Variants in YEATS4 observed in about 807,000 individuals in gnomAD.
YEATS4 encodes YEATS domain containing 4, also known as YEATS domain-containing protein 4.
Under a neutral mutation model 30.1 loss-of-function variants are expected in YEATS4, and 17 were observed. The ratio of observed to expected loss-of-function variants is 0.56; its 90% CI spans 0.39 to 0.85. The LOEUF (loss-of-function observed/expected upper bound fraction) is 0.85, where lower values mean the gene tolerates loss of function less well. YEATS4 is among the 40% of genes least tolerant of loss of function. The pLI is 0.00. For synonymous variants in YEATS4, 85 were observed against 87.5 expected (o/e 0.97, Z 0.16); for missense variants, 142 against 268.3 (o/e 0.53, Z 3.29).
At chr12:69,389,099 T>C (rs910522279) in intron 6 of YEATS4, among the ~76,000 whole-genome samples, 1 of 152,224 alleles carries the variant, frequency 6.6e-6, no homozygotes, top group Non-Finnish European at 1.5e-5. Context: ...TTAGCAGTTA[T>C]TGCCACCTAT....
intron 6 of YEATS4, among the ~76,000 whole-genome samples, chr12:69,379,365 C>G (rs1875982996): frequency 6.6e-6 from 1 of 152,008 alleles, no homozygotes; most frequent in African/African-American, 2.4e-5. Flanking sequence ...TCCTCTCTCT[C>G]TCTATCTCCT....
At chr12:69,375,883 G>C (rs1875854036) in intron 6 of YEATS4, among the ~76,000 whole-genome samples, 1 of 152,114 alleles carries the variant, frequency 6.6e-6, no homozygotes, top group Admixed American at 6.5e-5. Context: ...GCATCAGAGG[G>C]AGACCGCGCA....
At position 69,367,345 on chromosome 12, in the gene YEATS4, T is replaced by A. The variant is rs138991936; in HGVS notation, c.333+1461T>A. 3.0e-4 allele frequency among the ~76,000 whole-genome samples: 46 copies of A among 151,318 alleles called. 1 individual carries two copies. In the South Asian group the frequency reaches 8.2e-3, roughly 27 times the overall value. Reference sequence around the variant, plus strand: ...TGTGTTGCCCTTCAGGAAAACACACTCATGTTATATTTTGTTTGGCAATAA... The same window carrying A: ...TGTGTTGCCCTTCAGGAAAACACACACATGTTATATTTTGTTTGGCAATAA... On this transcript the variant is annotated intron_variant, in intron 4 of 6. Coordinates refer to ENST00000247843, the MANE Select transcript of YEATS4 (RefSeq NM_006530.4).
chr12:69,397,086 T>G, the YEATS4 span, among the ~76,000 whole-genome samples: 1 of 152,144 alleles, frequency 6.6e-6, no homozygotes, highest in Non-Finnish European at 1.5e-5. Context: ...CTAAAATCCT[T>G]GACAAAATAC....
chr12:69,409,768 A>G, the YEATS4 span, among the ~76,000 whole-genome samples: 1 of 152,190 alleles, frequency 6.6e-6, no homozygotes, highest in Non-Finnish European at 1.5e-5. Flanking sequence ...TGGACATAAC[A>G]TCTAAACATC....
chr12:69,420,021 T>C, the YEATS4 span, among the ~76,000 whole-genome samples: 1 of 152,202 alleles, frequency 6.6e-6, no homozygotes, highest in Non-Finnish European at 1.5e-5. Flanking sequence ...CTTCAACTGA[T>C]AGAGATCCAC....
chr12:69,363,619 A>G (rs1242848631), intron 2 of YEATS4, among the ~76,000 whole-genome samples: 2 of 152,200 alleles, frequency 1.3e-5, no homozygotes, highest in African/African-American at 4.8e-5. Flanking sequence ...ATTGCTAGTA[A>G]TTTTGTTTCA....
At chr12:69,417,801 G>C in the YEATS4 span, among the ~76,000 whole-genome samples, 1 of 149,630 alleles carries the variant, frequency 6.7e-6, no homozygotes, top group African/African-American at 2.5e-5. Flanking sequence ...TTTAACGCTG[G>C]CATTTTTGTT....
At chr12:69,375,639 G>T (rs894783246) in intron 6 of YEATS4, among the ~76,000 whole-genome samples, 5 of 152,322 alleles carry the variant, frequency 3.3e-5, no homozygotes, top group African/African-American at 9.6e-5. Context: ...GCGAGACTCC[G>T]TCTGCAATCC....
At chr12:69,387,814 T>A (rs906645469) in intron 6 of YEATS4, among the ~76,000 whole-genome samples, 1 of 152,190 alleles carries the variant, frequency 6.6e-6, no homozygotes, top group Admixed American at 6.5e-5. Flanking sequence ...GAAGCACTGA[T>A]TGGTCATGGC....
At chr12:69,376,843 T>C (rs1206869593) in intron 6 of YEATS4, among the ~76,000 whole-genome samples, 2 of 152,218 alleles carry the variant, frequency 1.3e-5, no homozygotes, top group Non-Finnish European at 2.9e-5. Context: ...GGCTTTTCTT[T>C]GCTGGGAGAC....
At chr12:69,393,764 A>C (rs527387890), downstream of YEATS4, among the ~76,000 whole-genome samples, 3 of 152,286 alleles carry the variant, frequency 2.0e-5, no homozygotes, top group South Asian at 6.2e-4. Flanking sequence ...GCTAATTATT[A>C]AAGCTTGATA....
chr12:69,387,204 A>C (rs1249931685), intron 6 of YEATS4, among the ~76,000 whole-genome samples: 3 of 152,226 alleles, frequency 2.0e-5, no homozygotes, highest in African/African-American at 7.2e-5. Flanking sequence ...CATTTGTAGA[A>C]AGGGAGAAAT....
chr12:69,413,353 G>GAA, the YEATS4 span, among the ~76,000 whole-genome samples: 94 of 110,616 alleles, frequency 8.5e-4, no homozygotes, highest in Non-Finnish European at 1.0e-3. Flanking sequence ...GTCTCTAAAT[G>GAA]AAAAAAAAAA....
chr12:69,400,434 A>G, the YEATS4 span, among the ~76,000 whole-genome samples: 2 of 139,928 alleles, frequency 1.4e-5, 1 homozygote, highest in Middle Eastern at 7.8e-3. Flanking sequence ...TGTATGCCAT[A>G]TATATATATA....
rs148689957 is a variant in YEATS4 at position 69,378,702 on chromosome 12, G to A, written c.514+7727G>A. ...ATCTCCCCACTTTTAACTTTTTGTTGTTTCTATTTATATCTTATTGCTATC... is the reference window on the plus strand; with the variant it reads ...ATCTCCCCACTTTTAACTTTTTGTTATTTCTATTTATATCTTATTGCTATC... On this transcript the variant is annotated intron_variant, in intron 6 of 6. Coordinates refer to ENST00000247843, the MANE Select transcript of YEATS4 (RefSeq NM_006530.4). 7.9e-3 allele frequency among the ~76,000 whole-genome samples: 1,197 copies of A among 152,096 alleles called. 9 individuals carry two copies. Among genetic ancestry groups the A allele is most frequent in the Middle Eastern group, 0.021 (6 of 292 alleles).
the YEATS4 span, among the ~76,000 whole-genome samples, chr12:69,418,863 C>T: frequency 2.0e-5 from 3 of 151,886 alleles, no homozygotes; most frequent in South Asian, 6.3e-4. Flanking sequence ...GCAGGAGGAT[C>T]GCTGGAGCCC....
chr12:69,418,534 G>A, the YEATS4 span, among the ~76,000 whole-genome samples: 2 of 152,262 alleles, frequency 1.3e-5, no homozygotes, highest in Non-Finnish European at 2.9e-5. Flanking sequence ...AAATGTCTGT[G>A]ATAAACAAAT....
At chr12:69,396,764 T>G in the YEATS4 span, among the ~76,000 whole-genome samples, 1 of 152,190 alleles carries the variant, frequency 6.6e-6, no homozygotes, top group South Asian at 2.1e-4. Context: ...AGTTCTTACA[T>G]CATTGAGATC....
Sources: allele counts gnomAD v4.1 joint callset (sites outside exome capture counted in the v4.1 genomes callset), GRCh38; gene constraint gnomAD v4.1.1; transcripts MANE v1.5; gene names NCBI Gene and HGNC (gene_info 2026-07-23, HGNC 2026-07-21).